Variants in PLN observed in about 807,000 individuals in gnomAD.
PLN encodes the protein cardiac phospholamban.
In PLN, 1 loss-of-function variant was observed where a neutral mutation model predicts 3.9. That is an observed-to-expected ratio of 0.26 (90% CI 0.09 to 1.23). The LOEUF is 1.23. PLN is among the 50% of genes most tolerant of loss of function. The probability of loss-of-function intolerance (pLI) is 0.48; values close to 1 mark genes in which losing one functional copy is unlikely to be tolerated. For synonymous variants in PLN, 21 were observed against 20.5 expected (o/e 1.02, Z -0.07); for missense variants, 59 against 62.7 (o/e 0.94, Z 0.20).
chr6:118,559,717 C>T lies in PLN; in HGVS notation c.*637C>T, dbSNP rs989112863. On this transcript the variant is annotated 3_prime_UTR_variant, in exon 2 of 2. Coordinates refer to ENST00000357525, the MANE Select transcript of PLN (RefSeq NM_002667.5). Reference sequence around the variant, plus strand: ...TCAAGTATGGAAAAGTAAGGCCATACTCTTACATAATAAAATTCCTTTTAA... The same window carrying T: ...TCAAGTATGGAAAAGTAAGGCCATATTCTTACATAATAAAATTCCTTTTAA... The T allele has an allele frequency of 4.2e-5, 7 of 168,158 alleles. No homozygotes were observed. The highest frequency in any genetic ancestry group is 1.7e-4 in the African/African-American group (7 of 41,452). 10.4% of individuals were successfully genotyped at this position (168,158 alleles called of 1,614,324 possible). A position where few individuals can be genotyped will look rare whatever the true frequency, so the allele number is the denominator to read the frequency against.
chr6:118,555,895 T>A (rs1778839435), intron 1 of PLN, among the ~76,000 whole-genome samples: 2 of 152,154 alleles, frequency 1.3e-5, no homozygotes, highest in African/African-American at 4.8e-5. Context: ...AGTGAGAACC[T>A]GTGGTATTTG....
At position 118,553,124 on chromosome 6, in the gene PLN, A is replaced by G. The variant is rs548095566; in HGVS notation, c.-98+4732A>G. ...GATTAGACTAACAGAATGCTCTAAA[A>G]AGATCAGATAACATGAAAATAAAAC... On this transcript the variant is annotated intron_variant, in intron 1 of 1. Coordinates refer to ENST00000357525, the MANE Select transcript of PLN (RefSeq NM_002667.5). Among the ~76,000 whole-genome samples the G allele has an allele frequency of 2.6e-5, 4 of 152,184 alleles. No homozygotes were observed. In the East Asian group the frequency reaches 7.7e-4, roughly 29 times the overall value.
intron 1 of PLN, among the ~76,000 whole-genome samples, chr6:118,556,738 TGTCTGGCA>T (rs1270955892): frequency 6.6e-6 from 1 of 152,226 alleles, no homozygotes; most frequent in Non-Finnish European, 1.5e-5. Context: ...ACAGTCACTA[TGTCTGGCA>T]GTTAATTACT....
intron 1 of PLN, among the ~76,000 whole-genome samples, chr6:118,549,603 A>G (rs930294268): frequency 6.6e-6 from 1 of 151,830 alleles, no homozygotes; most frequent in Non-Finnish European, 1.5e-5. Flanking sequence ...ATAAAAAAAC[A>G]TAATTTTTGT....
Position 118,560,459 on chromosome 6 carries a change from T to C in PLN, c.*1379T>C, listed in dbSNP as rs972516050. The C allele has an allele frequency of 6.0e-6, 1 of 166,882 alleles. No individual in the cohort carries two copies. The highest frequency in any genetic ancestry group is 1.9e-4 in the East Asian group (1 of 5,182). The allele number at this position is 166,882 out of a possible 1,614,324, so 10.3% of individuals were successfully genotyped here. ...TCATTCTCATTGTCTTCACATTGAG[T>C]AGGCAGAGGAGGAGAAAGATGGGGA... On this transcript the variant is annotated 3_prime_UTR_variant, in exon 2 of 2. Coordinates refer to ENST00000357525, the MANE Select transcript of PLN (RefSeq NM_002667.5).
At chr6:118,556,349 G>A (rs572621091) in intron 1 of PLN, among the ~76,000 whole-genome samples, 1 of 152,272 alleles carries the variant, frequency 6.6e-6, no homozygotes, top group East Asian at 1.9e-4. Flanking sequence ...TAGAAGTTGA[G>A]TGTTTGGAAC....
intron 1 of PLN, among the ~76,000 whole-genome samples, chr6:118,551,465 C>T (rs965954481): frequency 6.6e-6 from 1 of 151,688 alleles, no homozygotes; most frequent in Non-Finnish European, 1.5e-5. Context: ...TCTGAATTTC[C>T]AACTCCTACA....
At chr6:118,552,598 A>C (rs1236317141) in intron 1 of PLN, among the ~76,000 whole-genome samples, 2 of 151,992 alleles carry the variant, frequency 1.3e-5, no homozygotes, top group African/African-American at 4.8e-5. Context: ...AGAGTTGCCT[A>C]ATGGCTTTTC....
chr6:118,551,027 TTTTA>T (rs1778512276), intron 1 of PLN, among the ~76,000 whole-genome samples: 3 of 151,988 alleles, frequency 2.0e-5, no homozygotes, highest in Middle Eastern at 3.4e-3. Context: ...CAAAGTTTCC[TTTTA>T]TTTGTTTCAT....
At position 118,559,195 on chromosome 6, in the gene PLN, C is replaced by A; in HGVS notation, c.*115C>A. ...GACCACTTCCTGAGTAGAAGAGTTT[C>A]TTTGTGAAAAGGTCAAGATTAAGAC... On this transcript the variant is annotated 3_prime_UTR_variant, in exon 2 of 2. Coordinates refer to ENST00000357525, the MANE Select transcript of PLN (RefSeq NM_002667.5). The A allele has an allele frequency of 2.4e-6, 2 of 834,860 alleles. No homozygotes were observed. Among genetic ancestry groups the A allele is most frequent in the Non-Finnish European group, 4.3e-6 (2 of 470,338 alleles). 51.7% of individuals were successfully genotyped at this position (834,860 alleles called of 1,614,324 possible).
Position 118,560,784 on chromosome 6 carries a change from T to G in PLN, c.*1704T>G, listed in dbSNP as rs980631647. 6.4e-6 allele frequency: 1 copy of G among 157,366 alleles called. No individual in the cohort carries two copies. Among genetic ancestry groups the G allele is most frequent in the African/African-American group, 2.4e-5 (1 of 41,464 alleles). 9.7% of individuals were successfully genotyped at this position (157,366 alleles called of 1,614,324 possible). On this transcript the variant is annotated 3_prime_UTR_variant, in exon 2 of 2. Coordinates refer to ENST00000357525, the MANE Select transcript of PLN (RefSeq NM_002667.5). ...ATCTTCCAATAACTCATAAAACAAC[T>G]GAAGTAAAATTGAGTGCTGGAAAAT...
rs919803009 is a variant in PLN, at chr6:118,560,275, A to G, written c.*1195A>G. 1 of 167,074 alleles carries G rather than the reference A, an allele frequency of 6.0e-6. No individual in the cohort carries two copies. Among genetic ancestry groups the G allele is most frequent in the Non-Finnish European group, 1.5e-5 (1 of 68,114 alleles). 10.3% of individuals were successfully genotyped at this position (167,074 alleles called of 1,614,324 possible). ...ACTATTGACCATAAACCTTACTGAT[A>G]ACATAAACAGTAAATTAACACATAT... On this transcript the variant is annotated 3_prime_UTR_variant, in exon 2 of 2. Coordinates refer to ENST00000357525, the MANE Select transcript of PLN (RefSeq NM_002667.5).
At chr6:118,555,362 A>C (rs1778794812) in intron 1 of PLN, among the ~76,000 whole-genome samples, 2 of 147,926 alleles carry the variant, frequency 1.4e-5, no homozygotes, top group African/African-American at 5.0e-5. Flanking sequence ...CGGGAGGTGG[A>C]GCTTGCAGTG....
In PLN at chr6:118,560,384, G is replaced by A. The variant is rs1010372589; in HGVS notation, c.*1304G>A. The A allele has an allele frequency of 7.2e-5, 12 of 166,850 alleles. No individual in the cohort carries two copies. Among genetic ancestry groups the A allele is most frequent in the African/African-American group, 2.9e-4 (12 of 41,436 alleles). The allele number at this position is 166,850 out of a possible 1,614,324, so 10.3% of individuals were successfully genotyped here. On this transcript the variant is annotated 3_prime_UTR_variant, in exon 2 of 2. Transcript: ENST00000357525. ...GTTATTTAGAAAATCATAAGAAAGA[G>A]AAAATATATTTACTATTCATTAAAT... is the stretch of plus-strand genomic sequence containing the variant.
intron 1 of PLN, among the ~76,000 whole-genome samples, chr6:118,556,578 T>C (rs1194610283): frequency 1.3e-5 from 2 of 152,150 alleles, no homozygotes; most frequent in African/African-American, 4.8e-5. Flanking sequence ...TTCCTTCTGC[T>C]CCCTTCAGCA....
chr6:118,556,420 T>C (rs1778880282), intron 1 of PLN, among the ~76,000 whole-genome samples: 1 of 152,200 alleles, frequency 6.6e-6, no homozygotes, highest in South Asian at 2.1e-4. Flanking sequence ...ATGCCCAGTC[T>C]ACTATATAAT....
At chr6:118,552,120 T>A (rs1778583551) in intron 1 of PLN, among the ~76,000 whole-genome samples, 1 of 151,996 alleles carries the variant, frequency 6.6e-6, no homozygotes. Context: ...CTAGAGTATA[T>A]CAGACTGTAG....
chr6:118,559,257 A>G lies in PLN; in HGVS notation c.*177A>G, dbSNP rs1349039431. The G allele has an allele frequency of 3.1e-6, 2 of 650,694 alleles. No homozygotes were observed. The highest frequency in any genetic ancestry group is 3.7e-5 in the African/African-American group (2 of 54,692). 40.3% of individuals were successfully genotyped at this position (650,694 alleles called of 1,614,324 possible). The stretch of plus-strand genomic sequence containing the variant: ...GTTACCATATGTATTCATCTGTTGG[A>G]TCTTGTAAACATGAAAAGGGCTTTA... On this transcript the variant is annotated 3_prime_UTR_variant, in exon 2 of 2. Transcript: ENST00000357525.
chr6:118,559,307 A>C lies in PLN; in HGVS notation c.*227A>C. On this transcript the variant is annotated 3_prime_UTR_variant, in exon 2 of 2. Coordinates refer to ENST00000357525, the MANE Select transcript of PLN (RefSeq NM_002667.5). Reference sequence around the variant, plus strand: ...ATTTTCAAAAATTAACTTCAAAATAAGTGTATAAAATGCAACTGTTGATTT... The same window carrying C: ...ATTTTCAAAAATTAACTTCAAAATACGTGTATAAAATGCAACTGTTGATTT... The C allele has an allele frequency of 1.9e-6, 1 of 529,390 alleles. No individual in the cohort carries two copies. The highest frequency in any genetic ancestry group is 3.5e-6 in the Non-Finnish European group (1 of 284,914). 32.8% of individuals were successfully genotyped at this position (529,390 alleles called of 1,614,324 possible).
Sources: gnomAD v4.1 joint callset for allele counts (sites outside exome capture counted in the v4.1 genomes callset) on GRCh38, gnomAD v4.1.1 for gene constraint, MANE v1.5 for transcripts, NCBI Gene and HGNC (gene_info 2026-07-23, HGNC 2026-07-21) for gene names.